The following NEK11 variants were observed in gnomAD, a reference collection of about 807,000 sequenced individuals.
NEK11 encodes NIMA related kinase 11.
A neutral mutation model predicts 80.7 loss-of-function variants in NEK11; 72 were observed. The observed-to-expected ratio is 0.89, with a 90% CI of 0.74 to 1.08. The LOEUF (loss-of-function observed/expected upper bound fraction) is 1.08, where lower values mean the gene tolerates loss of function less well. Ranked by LOEUF, NEK11 falls within the 50% of genes least tolerant of loss-of-function variation. The pLI is 0.00. For missense variants in NEK11, 764 were observed against 763.6 expected, an observed-to-expected ratio of 1.00 and a Z score of -0.01; for synonymous variants, 251 against 260.7, an observed-to-expected ratio of 0.96 and a Z score of 0.36.
chr3:131,064,987 G>A (rs563286870), intron 3 of NEK11, among the ~76,000 whole-genome samples: 4 of 152,268 alleles, frequency 2.6e-5, no homozygotes, highest in African/African-American at 4.8e-5. Context: ...CCCAGACAGC[G>A]GAATAGCATA....
chr3:131,168,658 C>T (rs2674620), intron 12 of NEK11, among the ~76,000 whole-genome samples, 172 bp from the exon 13 acceptor site: 125,644 of 152,186 alleles, frequency 0.83, 51,972 homozygotes, highest in East Asian at 0.93. Flanking sequence ...GCCCGGCCGA[C>T]GTTGCATTTC....
At chr3:131,165,912 TTTTTA>T (rs1449777645) in intron 12 of NEK11, among the ~76,000 whole-genome samples, 1 of 152,256 alleles carries the variant, frequency 6.6e-6, no homozygotes, top group African/African-American at 2.4e-5. Context: ...ATTCTTTTCC[TTTTTA>T]TTTTGTTTCC....
At chr3:131,278,187 T>G (rs1018277410) in intron 17 of NEK11, among the ~76,000 whole-genome samples, 6 of 152,222 alleles carry the variant, frequency 3.9e-5, no homozygotes, top group Non-Finnish European at 7.3e-5. Context: ...CCAACTGACT[T>G]CTGGCCACAG....
rs115843361 is a variant in NEK11 at position 131,169,803 on chromosome 3, G to T, written c.1284+866G>T. 8.1e-3 allele frequency among the ~76,000 whole-genome samples: 1,238 copies of T among 152,248 alleles called. 23 individuals are homozygous for T. Among genetic ancestry groups the T allele is most frequent in the African/African-American group, 0.028 (1,171 of 41,546 alleles). ...GAAACTCAGCAAATCAAAGTTAATT[G>T]AGAGTCCAAATACATACTTATTTTC... On this transcript the variant is annotated intron_variant, in intron 13 of 17. Transcript: ENST00000383366.
intron 15 of NEK11, among the ~76,000 whole-genome samples, chr3:131,230,626 T>A (rs938697488): frequency 2.6e-5 from 4 of 152,192 alleles, no homozygotes; most frequent in Non-Finnish European, 4.4e-5. Context: ...AGTAATTTTT[T>A]AAAAATTCCT....
chr3:131,129,306 AG>A (rs1369712919), intron 5 of NEK11, among the ~76,000 whole-genome samples: 2 of 152,104 alleles, frequency 1.3e-5, no homozygotes, highest in African/African-American at 4.8e-5. Context: ...TGCCTGCCTC[AG>A]CCTCCCAAAG....
chr3:131,331,389 T>C (rs1020611368), intron 17 of NEK11, among the ~76,000 whole-genome samples: 2 of 152,226 alleles, frequency 1.3e-5, no homozygotes, highest in African/African-American at 4.8e-5. Context: ...GAATATTAGA[T>C]GATAATGACC....
intron 14 of NEK11, among the ~76,000 whole-genome samples, chr3:131,201,388 T>C (rs1309906812): frequency 2.0e-5 from 3 of 152,074 alleles, no homozygotes; most frequent in Admixed American, 2.0e-4. Context: ...TCGACCTATA[T>C]AGTAGTTTTG....
intron 14 of NEK11, among the ~76,000 whole-genome samples, chr3:131,172,886 G>A (rs1231468870): frequency 6.6e-6 from 1 of 152,142 alleles, no homozygotes; most frequent in Non-Finnish European, 1.5e-5. Context: ...ACCCAAGATG[G>A]CAAAGAAAGT....
chr3:131,234,519 A>T (rs1218264349), intron 15 of NEK11, among the ~76,000 whole-genome samples: 2 of 152,160 alleles, frequency 1.3e-5, no homozygotes, highest in Admixed American at 1.3e-4. Flanking sequence ...GCCTTGCTAC[A>T]GTGTTAGTGG....
chr3:131,243,308 G>A (rs1029763563), intron 15 of NEK11, 128 bp from the exon 16 acceptor site: 5 of 697,196 alleles, frequency 7.2e-6, no homozygotes, highest in South Asian at 3.9e-5. Flanking sequence ...TTTAAAAATA[G>A]GATTATACTG....
At position 131,058,663 on chromosome 3, in the gene NEK11, A is replaced by T. The variant is rs113044426; in HGVS notation, c.171-21760A>T. On this transcript the variant is annotated intron_variant, in intron 3 of 17. Coordinates refer to ENST00000383366, the MANE Select transcript of NEK11 (RefSeq NM_024800.5). ...ATATCACAGTTCCCTTAAGAGATTCATACTACAGTCAACTTTATGCCTCAA... is the reference window on the plus strand; with the variant it reads ...ATATCACAGTTCCCTTAAGAGATTCTTACTACAGTCAACTTTATGCCTCAA... Among the ~76,000 whole-genome samples the T allele has an allele frequency of 4.5e-3, 678 of 152,344 alleles. 15 individuals are homozygous for T. In the South Asian group the frequency reaches 0.058, roughly 13 times the overall value.
intron 17 of NEK11, among the ~76,000 whole-genome samples, chr3:131,313,531 A>G (rs1488962934): frequency 6.6e-6 from 1 of 152,164 alleles, no homozygotes; most frequent in Non-Finnish European, 1.5e-5. Flanking sequence ...GTGAGATGCT[A>G]TCTCATGATG....
intron 16 of NEK11, among the ~76,000 whole-genome samples, chr3:131,255,268 C>T (rs1327305631): frequency 6.6e-6 from 1 of 152,102 alleles, no homozygotes; most frequent in Non-Finnish European, 1.5e-5. Flanking sequence ...TAGAGGTCAT[C>T]TTCTGTCTTT....
intron 17 of NEK11, among the ~76,000 whole-genome samples, chr3:131,277,121 A>G (rs1369327148): frequency 2.6e-5 from 4 of 152,188 alleles, no homozygotes; most frequent in African/African-American, 9.7e-5. Context: ...ACTTTTAAAC[A>G]TTTAATTATA....
intron 17 of NEK11, among the ~76,000 whole-genome samples, chr3:131,306,946 C>G (rs970092656): frequency 1.3e-5 from 2 of 152,172 alleles, no homozygotes; most frequent in African/African-American, 4.8e-5. Context: ...TGAGTTTCCT[C>G]TGGTAAGCCA....
intron 5 of NEK11, among the ~76,000 whole-genome samples, chr3:131,125,536 G>A (rs575551742): frequency 6.6e-6 from 1 of 152,130 alleles, no homozygotes; most frequent in African/African-American, 2.4e-5. Context: ...CTTTAGTAAA[G>A]TGACAGTGGT....
At chr3:131,271,694 C>G (rs969909029) in intron 16 of NEK11, among the ~76,000 whole-genome samples, 4 of 151,998 alleles carry the variant, frequency 2.6e-5, no homozygotes, top group Admixed American at 6.6e-5. Context: ...ACTTGGGAGG[C>G]TGAGGCAGGA....
Position 131,164,857 on chromosome 3 carries a change from A to G in NEK11, c.1083-569A>G, listed in dbSNP as rs1199536173. On this transcript the variant is annotated intron_variant, in intron 11 of 17. Coordinates refer to ENST00000383366, the MANE Select transcript of NEK11 (RefSeq NM_024800.5). ...AGGGAGTTTGACTAGAAGGGTGTTC[A>G]GTGATGAAAACCTGAGTATAAATTA... Among the ~76,000 whole-genome samples, 4 of 152,346 alleles carry G rather than the reference A, an allele frequency of 2.6e-5. No homozygotes were observed. In the South Asian group the frequency reaches 6.2e-4, roughly 24 times the overall value.
Sources: allele counts gnomAD v4.1 joint callset (sites outside exome capture counted in the v4.1 genomes callset), GRCh38; gene constraint gnomAD v4.1.1; transcripts MANE v1.5; gene names NCBI Gene and HGNC (gene_info 2026-07-23, HGNC 2026-07-21).